Variants in E2F5 observed in about 807,000 individuals in gnomAD.
E2F5 encodes transcription factor E2F5.
E2F5 carries 23 observed loss-of-function variants against 39.1 expected under a neutral mutation model. The ratio of observed to expected loss-of-function variants is 0.59; its 90% CI spans 0.42 to 0.83. The LOEUF is 0.83. Ranked by LOEUF, E2F5 falls within the 40% of genes least tolerant of loss-of-function variation. The pLI, the probability that E2F5 is intolerant of heterozygous loss-of-function variation, is 0.00. For missense variants in E2F5, 365 were observed against 406.7 expected, an observed-to-expected ratio of 0.90 and a Z score of 0.88; for synonymous variants, 145 against 157.8, an observed-to-expected ratio of 0.92 and a Z score of 0.61.
intron 7 of E2F5, chr8:85,212,510 C>A: frequency 4.0e-6 from 1 of 252,824 alleles, no homozygotes; most frequent in East Asian, 1.0e-4. Flanking sequence ...TTGTCTAAAT[C>A]AAGCAACTGA....
chr8:85,184,013 G>T (rs1365195537), intron 1 of E2F5, among the ~76,000 whole-genome samples: 1 of 152,050 alleles, frequency 6.6e-6, no homozygotes, highest in Non-Finnish European at 1.5e-5. Context: ...CAGCAGGAAG[G>T]TGATCATCTG....
At position 85,202,207 on chromosome 8, in the gene E2F5, G is replaced by A; in HGVS notation, c.295G>A (p.Glu99Lys). The change falls in exon 2 of 8, where the codon GAG becomes AAG. Residue 99 changes from glutamate to lysine, a missense_variant. Transcript: ENST00000416274. ...RRIYDITNVL[E>K]GIDLIEKKSK... is the part of the protein sequence containing the mutation. ...AATTTATGATATCACCAATGTCTTA[G>A]AGGGAATTGACTTGATTGAAAAAAA... The A allele has an allele frequency of 1.2e-6, 2 of 1,612,716 alleles. No individual in the cohort carries two copies. The highest frequency in any genetic ancestry group is 1.7e-6 in the Non-Finnish European group (2 of 1,179,462).
At chr8:85,182,645 T>A (rs1563975438) in intron 1 of E2F5, among the ~76,000 whole-genome samples, 1 of 152,218 alleles carries the variant, frequency 6.6e-6, no homozygotes, top group African/African-American at 2.4e-5. Context: ...TTTCACTTGT[T>A]CACAGTTAAG....
Position 85,198,543 on chromosome 8 carries a change from A to G in E2F5, c.235-3604A>G, listed in dbSNP as rs185230548. Among the ~76,000 whole-genome samples, 21 of 152,292 alleles carry G rather than the reference A, an allele frequency of 1.4e-4. No individual in the cohort carries two copies. In the East Asian group the frequency reaches 3.9e-3, roughly 28 times the overall value. On this transcript the variant is annotated intron_variant, in intron 1 of 7. Coordinates refer to ENST00000416274, the MANE Select transcript of E2F5 (RefSeq NM_001951.4). ...GATCAAAGTCACCCATGATCTTTCC[A>G]AAGGCAAATCACTGATCAGTTCTCA...
intron 7 of E2F5, 183 bp downstream of exon 7, chr8:85,212,387 G>T: frequency 3.7e-6 from 2 of 543,128 alleles, no homozygotes; most frequent in South Asian, 2.3e-5. Flanking sequence ...ATTTTTCTTT[G>T]CTTGCATTTT....
chr8:85,181,516 T>C (rs1309498094), intron 1 of E2F5, among the ~76,000 whole-genome samples: 1 of 149,268 alleles, frequency 6.7e-6, no homozygotes, highest in Admixed American at 6.6e-5. Flanking sequence ...TTTTTTTTTT[T>C]GTATTTTTAG....
rs769543894 is a variant in E2F5 at position 85,213,725 on chromosome 8, T to G, written c.932-28T>G. 2.7e-5 allele frequency: 34 copies of G among 1,242,190 alleles called. No individual in the cohort carries two copies. In the East Asian group the frequency reaches 7.9e-4, roughly 29 times the overall value. The allele number at this position is 1,242,190 out of a possible 1,614,324, so 76.9% of individuals were successfully genotyped here. On this transcript the variant is annotated intron_variant, in intron 7 of 7. Transcript: ENST00000416274. Reference sequence around the variant, plus strand: ...ATTAACCGTATGTAGAAACCATCTTTAACACTAAATTTGTTTTTTGTTCGC... The same window carrying G: ...ATTAACCGTATGTAGAAACCATCTTGAACACTAAATTTGTTTTTTGTTCGC...
At chr8:85,207,564 T>TCACATTCAGCTAAA in intron 5 of E2F5, 75 bp downstream of exon 5, 1 of 1,257,596 alleles carries the variant, frequency 8.0e-7, no homozygotes, top group Non-Finnish European at 1.1e-6. Flanking sequence ...TTTCTTTAGC[T>TCACATTCAGCTAAA]GAATGTGAGC....
chr8:85,188,306 C>T (rs577078641), intron 1 of E2F5, among the ~76,000 whole-genome samples: 3 of 137,480 alleles, frequency 2.2e-5, no homozygotes, highest in Non-Finnish European at 3.1e-5. Flanking sequence ...TTGTGTTACT[C>T]CTTAGCATCC....
intron 1 of E2F5, among the ~76,000 whole-genome samples, chr8:85,181,726 G>A (rs1431492386): frequency 4.0e-5 from 6 of 150,750 alleles, no homozygotes; most frequent in Non-Finnish European, 8.9e-5. Context: ...TTGAGAGGCC[G>A]AGGCGGGCAG....
chr8:85,198,326 T>C (rs1412504833), intron 1 of E2F5, among the ~76,000 whole-genome samples: 1 of 151,970 alleles, frequency 6.6e-6, no homozygotes, highest in African/African-American at 2.4e-5. Flanking sequence ...CATGTTGAAA[T>C]AGCTCCCATC....
At chr8:85,182,287 C>T (rs1812237399) in intron 1 of E2F5, among the ~76,000 whole-genome samples, 1 of 152,194 alleles carries the variant, frequency 6.6e-6, no homozygotes, top group Non-Finnish European at 1.5e-5. Flanking sequence ...TAATGTTATC[C>T]TCTTAACAAC....
Position 85,213,826 on chromosome 8 carries a change from T to C in E2F5, c.1005T>C (p.Val335=), listed in dbSNP as rs530084014. 2.1e-5 allele frequency: 34 copies of C among 1,612,684 alleles called. No individual in the cohort carries two copies. The highest frequency in any genetic ancestry group is 4.5e-5 in the East Asian group (2 of 44,792). The part of the protein sequence containing the change: ...YNFNLDDNEG[V]CDLFDVQILN... Reference sequence around the variant, plus strand: ...TTAATTTAGATGATAACGAAGGAGTTTGTGATCTGTTTGATGTCCAGATAC... The same window carrying C: ...TTAATTTAGATGATAACGAAGGAGTCTGTGATCTGTTTGATGTCCAGATAC... The change falls in exon 8 of 8, where the codon GTT becomes GTC. Residue 335 remains valine, a synonymous_variant. Coordinates refer to ENST00000416274, the MANE Select transcript of E2F5 (RefSeq NM_001951.4).
chr8:85,213,792 A>C lies in E2F5; in HGVS notation c.971A>C (p.Asp324Ala). The C allele has an allele frequency of 6.2e-7, 1 of 1,613,410 alleles. No individual in the cohort carries two copies. Among genetic ancestry groups the C allele is most frequent in the Middle Eastern group, 1.7e-4 (1 of 6,048 alleles). Residue 324 changes from aspartate to alanine, a missense_variant, in exon 8 of 8, where the codon GAC (aspartate) becomes GCC (alanine). By Grantham distance (126) the Asp-to-Ala change is moderately radical. Coordinates refer to ENST00000416274, the MANE Select transcript of E2F5 (RefSeq NM_001951.4). ...LLRLSPTPAD[D>A]YNFNLDDNEG... is the part of the protein sequence containing the mutation. ...AGGCTTTCTCCTACCCCGGCAGATG[A>C]CTACAACTTTAATTTAGATGATAAC...
intron 1 of E2F5, among the ~76,000 whole-genome samples, chr8:85,186,277 C>T (rs538312381): frequency 2.8e-4 from 42 of 152,120 alleles, no homozygotes; most frequent in African/African-American, 9.2e-4. Flanking sequence ...CCAAACACCA[C>T]ATGTTCTCAC....
chr8:85,186,179 G>A (rs549545555), intron 1 of E2F5, among the ~76,000 whole-genome samples: 191 of 152,212 alleles, frequency 1.3e-3, no homozygotes, highest in African/African-American at 4.4e-3. Context: ...CTATGCAGCC[G>A]TAAGAAAGGA....
intron 7 of E2F5, chr8:85,212,740 G>A (rs1812963635): frequency 6.7e-6 from 1 of 148,966 alleles, no homozygotes; most frequent in Non-Finnish European, 1.5e-5. Flanking sequence ...AGAAACCTAC[G>A]AAGTGGTAGC....
In E2F5 at chr8:85,207,412, T is replaced by G. The variant is rs187550789; in HGVS notation, c.551-13T>G. The G allele has an allele frequency of 6.5e-7, 1 of 1,550,256 alleles. No individual in the cohort carries two copies. The highest frequency in any genetic ancestry group is 8.7e-7 in the Non-Finnish European group (1 of 1,146,310). On this transcript the variant is annotated splice_polypyrimidine_tract_variant and intron_variant, in intron 4 of 7. Coordinates refer to ENST00000416274, the MANE Select transcript of E2F5 (RefSeq NM_001951.4). ...AGTATTTTATGTAACTTTTTATATT[T>G]ATTTTTGACCAGGTGATACACTTTT... is the stretch of plus-strand genomic sequence containing the variant.
At chr8:85,208,480 A>G (rs1812844649) in intron 5 of E2F5, among the ~76,000 whole-genome samples, 1 of 152,194 alleles carries the variant, frequency 6.6e-6, no homozygotes, top group African/African-American at 2.4e-5. Flanking sequence ...TATTGACTCT[A>G]TGAGTTTCAT....
Sources: gnomAD v4.1 joint callset for allele counts (sites outside exome capture counted in the v4.1 genomes callset) on GRCh38, gnomAD v4.1.1 for gene constraint, MANE v1.5 for transcripts, NCBI Gene and HGNC (gene_info 2026-07-23, HGNC 2026-07-21) for gene names.